ILRUN: variants seen among roughly 807,000 people sequenced by gnomAD.
The protein encoded by ILRUN is protein ILRUN.
In ILRUN, 3 loss-of-function variants were observed where a neutral mutation model predicts 33.8. The observed-to-expected ratio is 0.09, with a 90% CI of 0.04 to 0.23. The LOEUF is 0.23. Ranked by LOEUF, ILRUN falls within the 10% of genes least tolerant of loss-of-function variation. The pLI is 1.00. For missense variants in ILRUN, 210 were observed against 375.1 expected, an observed-to-expected ratio of 0.56 and a Z score of 3.64; for synonymous variants, 124 against 138.9, an observed-to-expected ratio of 0.89 and a Z score of 0.75.
chr6:34,653,748 G>A (rs974264989), intron 2 of ILRUN, among the ~76,000 whole-genome samples: 8 of 151,982 alleles, frequency 5.3e-5, no homozygotes, highest in Non-Finnish European at 1.2e-4. Context: ...CCAAGTGAGA[G>A]GATAGCTTGA....
intron 3 of ILRUN, among the ~76,000 whole-genome samples, chr6:34,613,707 C>T (rs1439254826): frequency 6.6e-6 from 1 of 152,152 alleles, no homozygotes; most frequent in African/African-American, 2.4e-5. Context: ...ATATAAGTTC[C>T]TGGTTATAAT....
chr6:34,677,467 T>C (rs1221857668), intron 1 of ILRUN, among the ~76,000 whole-genome samples: 2 of 152,104 alleles, frequency 1.3e-5, no homozygotes, highest in Non-Finnish European at 2.9e-5. Context: ...AACTATAATA[T>C]ATTTAAGTTA....
chr6:34,605,666 G>C (rs1005040111), intron 4 of ILRUN, among the ~76,000 whole-genome samples: 2 of 152,026 alleles, frequency 1.3e-5, no homozygotes, highest in Non-Finnish European at 2.9e-5. Context: ...AAAACTACTG[G>C]TCAGAAAAAT....
Position 34,646,289 on chromosome 6 carries a change from CA to C in ILRUN, c.511+311del, listed in dbSNP as rs888865531. ...GACTTGTGTCTAGAGACTTTGAGAACAAGGACTGCCTTTAGTATTCTTACAG... is the reference window on the plus strand; with the variant it reads ...GACTTGTGTCTAGAGACTTTGAGAACAGGACTGCCTTTAGTATTCTTACAG... On this transcript the variant is annotated intron_variant, in intron 3 of 4. Coordinates refer to ENST00000374023, the MANE Select transcript of ILRUN (RefSeq NM_024294.4). This position sits in a 1 kb window ranked among gnomAD's most constrained non-coding sequence, Gnocchi z 4.9. Among the ~76,000 whole-genome samples the C allele has an allele frequency of 5.3e-5, 8 of 152,192 alleles. No individual in the cohort carries two copies. The highest frequency in any genetic ancestry group is 1.9e-4 in the African/African-American group (8 of 41,436).
chr6:34,658,938 T>C (rs1161645593), intron 1 of ILRUN, among the ~76,000 whole-genome samples: 1 of 152,232 alleles, frequency 6.6e-6, no homozygotes, highest in African/African-American at 2.4e-5. Flanking sequence ...TATCTCATTA[T>C]AATGTTGGCT....
intron 1 of ILRUN, among the ~76,000 whole-genome samples, chr6:34,676,479 G>T (rs2127381056): frequency 6.6e-6 from 1 of 151,820 alleles, no homozygotes; most frequent in East Asian, 1.9e-4. Flanking sequence ...TAGCTAGCTA[G>T]ATAGGTAGAT....
intron 4 of ILRUN, among the ~76,000 whole-genome samples, chr6:34,597,269 G>A (rs952620603): frequency 6.6e-6 from 1 of 152,194 alleles, no homozygotes; most frequent in African/African-American, 2.4e-5. Flanking sequence ...CAGAATTCTA[G>A]CTCCAAAGAT....
intron 3 of ILRUN, among the ~76,000 whole-genome samples, chr6:34,632,424 G>A (rs1312727791): frequency 6.6e-6 from 1 of 152,038 alleles, no homozygotes; most frequent in Non-Finnish European, 1.5e-5. Context: ...CTGGGCGACA[G>A]AGCAAGACTC....
At chr6:34,641,096 A>C (rs1054017598) in intron 3 of ILRUN, among the ~76,000 whole-genome samples, 2 of 151,544 alleles carry the variant, frequency 1.3e-5, no homozygotes, top group South Asian at 2.1e-4. Context: ...AAAAAAAAAA[A>C]ACAAATTATA....
intron 4 of ILRUN, among the ~76,000 whole-genome samples, chr6:34,594,932 G>A (rs1343927532): frequency 2.0e-5 from 3 of 152,178 alleles, no homozygotes; most frequent in African/African-American, 7.2e-5. Flanking sequence ...TCACTATGTT[G>A]CCCAGGCTGG....
chr6:34,618,986 C>T (rs9469820), intron 3 of ILRUN, among the ~76,000 whole-genome samples: 24,659 of 152,112 alleles, frequency 0.16, 2,727 homozygotes, highest in African/African-American at 0.31. Flanking sequence ...GAGTCCAGTG[C>T]TGCTAATAAG....
intron 3 of ILRUN, among the ~76,000 whole-genome samples, chr6:34,623,612 T>C (rs1446786079): frequency 6.6e-6 from 1 of 152,246 alleles, no homozygotes; most frequent in African/African-American, 2.4e-5. Flanking sequence ...ATTACTAATT[T>C]AAATTTCAAA....
At position 34,693,453 on chromosome 6, in the gene ILRUN, CA is replaced by C. The variant is rs530750796; in HGVS notation, c.158+2992del. ...CACTGCAGCCTCGACCTCCTGGGCT[CA>C]GGTGATCTTCCTACCTCAGGCTCCC... On this transcript the variant is annotated intron_variant, in intron 1 of 4. Transcript: ENST00000374023. Among the ~76,000 whole-genome samples the C allele has an allele frequency of 1.5e-3, 221 of 151,562 alleles. 1 individual carries two copies. Among genetic ancestry groups the C allele is most frequent in the African/African-American group, 5.0e-3 (207 of 41,284 alleles).
intron 1 of ILRUN, among the ~76,000 whole-genome samples, chr6:34,682,246 CCT>C (rs1250608476): frequency 1.8e-5 from 2 of 114,212 alleles, no homozygotes; most frequent in Non-Finnish European, 3.4e-5. Context: ...CTCCCTGCAA[CCT>C]CTGTTTTTTT....
intron 1 of ILRUN, among the ~76,000 whole-genome samples, chr6:34,659,916 C>T (rs1463222229): frequency 2.0e-5 from 3 of 151,756 alleles, no homozygotes; most frequent in Non-Finnish European, 2.9e-5. Context: ...CCACCACGCC[C>T]GGCCCATAAG....
intron 1 of ILRUN, among the ~76,000 whole-genome samples, chr6:34,674,186 C>T (rs1362175227): frequency 6.6e-6 from 1 of 152,146 alleles, no homozygotes; most frequent in Non-Finnish European, 1.5e-5. Context: ...ACCACCACAC[C>T]CAGCTAATTT....
chr6:34,595,701 A>G (rs1313965334), intron 4 of ILRUN: 1 of 941,194 alleles, frequency 1.1e-6, no homozygotes, highest in Non-Finnish European at 1.3e-6. Context: ...ACCACAACAC[A>G]GGACTTTCAC....
intron 2 of ILRUN, among the ~76,000 whole-genome samples, chr6:34,649,247 G>A (rs1762613960): frequency 6.6e-6 from 1 of 152,136 alleles, no homozygotes; most frequent in Non-Finnish European, 1.5e-5. Context: ...GTTAGGTCAC[G>A]TAACTCTGAA....
Position 34,683,477 on chromosome 6 carries a change from T to TATATAC in ILRUN, c.158+12968_158+12969insGTATAT, listed in dbSNP as rs1562033092. 4.5e-4 allele frequency among the ~76,000 whole-genome samples: 46 copies of TATATAC among 102,184 alleles called. 1 individual carries two copies. The highest frequency in any genetic ancestry group is 2.1e-3 in the African/African-American group (43 of 20,468). 67.0% of individuals were successfully genotyped at this position (102,184 alleles called of 152,430 possible). On this transcript the variant is annotated intron_variant, in intron 1 of 4. Transcript: ENST00000374023. ...ACATATATATACATATATATACACATATATATATACATATATATATACATA... is the reference window on the plus strand; with the variant it reads ...ACATATATATACATATATATACACATATATACATATATATACATATATATATACATA...
Sources: allele counts gnomAD v4.1 joint callset (sites outside exome capture counted in the v4.1 genomes callset), GRCh38; gene constraint gnomAD v4.1.1; non-coding constraint Gnocchi (gnomAD v3.1); transcripts MANE v1.5; gene names NCBI Gene and HGNC (gene_info 2026-07-23, HGNC 2026-07-21).